The following RUFY3 variants were observed in gnomAD, a reference collection of about 807,000 sequenced individuals.
The protein encoded by RUFY3 is RUN and FYVE domain containing 3.
In RUFY3, 34 loss-of-function variants were observed where a neutral mutation model predicts 84.0. The ratio of observed to expected loss-of-function variants is 0.40; its 90% confidence interval spans 0.31 to 0.54. The LOEUF is 0.54. Ranked by LOEUF, RUFY3 falls within the 20% of genes least tolerant of loss-of-function variation. The pLI is 0.39. For missense variants in RUFY3, 507 were observed against 736.8 expected, an observed-to-expected ratio of 0.69 and a Z score of 3.61; for synonymous variants, 242 against 252.9, an observed-to-expected ratio of 0.96 and a Z score of 0.41.
chr4:70,781,165 G>A (rs1256240333), intron 8 of RUFY3, among the ~76,000 whole-genome samples: 1 of 151,586 alleles, frequency 6.6e-6, no homozygotes, highest in African/African-American at 2.4e-5. Flanking sequence ...GACAAACTAA[G>A]AAGAATTAAG....
intron 12 of RUFY3, chr4:70,792,000 A>G: frequency 1.0e-6 from 1 of 985,000 alleles, no homozygotes. Context: ...TGATAACATA[A>G]TAATGTGGAC....
intron 1 of RUFY3, among the ~76,000 whole-genome samples, chr4:70,752,443 C>T (rs1723284930): frequency 6.6e-6 from 1 of 152,156 alleles, no homozygotes; most frequent in Non-Finnish European, 1.5e-5. Context: ...TGGCAAGACT[C>T]GCCTATACAA....
At chr4:70,705,380 C>T (rs1740171708) in intron 1 of RUFY3, 1 of 1,017,816 alleles carries the variant, frequency 9.8e-7, no homozygotes, top group Non-Finnish European at 1.3e-6. Context: ...GGAGCTCCGC[C>T]TCCCGCGGGG....
chr4:70,792,846 CTTAT>C, intron 12 of RUFY3: 1 of 985,356 alleles, frequency 1.0e-6, no homozygotes, highest in Non-Finnish European at 1.2e-6. Flanking sequence ...TGCTCTTGAA[CTTAT>C]TTTAATTCTT....
At chr4:70,796,658 A>G (rs1731545340) in intron 14 of RUFY3, among the ~76,000 whole-genome samples, 1 of 152,206 alleles carries the variant, frequency 6.6e-6, no homozygotes, top group Non-Finnish European at 1.5e-5. Context: ...GTCCTCTTCA[A>G]TTAGAGCATG....
chr4:70,714,441 C>T (rs904552550), intron 1 of RUFY3, among the ~76,000 whole-genome samples: 2 of 152,132 alleles, frequency 1.3e-5, no homozygotes, highest in African/African-American at 4.8e-5. Context: ...TGTCTATTGC[C>T]TTGTTCTTTC....
At chr4:70,713,185 A>ACCTAATTTTTGTATTTTAGTAGAGAC (rs1741182677) in intron 1 of RUFY3, among the ~76,000 whole-genome samples, 1 of 152,038 alleles carries the variant, frequency 6.6e-6, no homozygotes, top group African/African-American at 2.4e-5. Flanking sequence ...CACCACACCC[A>ACCTAATTTTTGTATTTTAGTAGAGAC]CCTAATTTTT....
At chr4:70,777,435 A>C (rs748102078) in intron 7 of RUFY3, among the ~76,000 whole-genome samples, 1 of 152,214 alleles carries the variant, frequency 6.6e-6, no homozygotes, top group Non-Finnish European at 1.5e-5. Context: ...TAGTTCTCTT[A>C]TGAAAAATAG....
intron 1 of RUFY3, among the ~76,000 whole-genome samples, chr4:70,709,417 C>T (rs1450898014): frequency 6.6e-6 from 1 of 152,206 alleles, no homozygotes; most frequent in Non-Finnish European, 1.5e-5. Context: ...GGACCTCCAG[C>T]ACCCTCTCCC....
In RUFY3 at chr4:70,735,411, G is replaced by C. The variant is rs572537946; in HGVS notation, c.178+12660G>C. 2.6e-5 allele frequency among the ~76,000 whole-genome samples: 4 copies of C among 152,350 alleles called. No homozygotes were observed. In the South Asian group the frequency reaches 8.3e-4, roughly 32 times the overall value. On this transcript the variant is annotated intron_variant, in intron 1 of 17. Coordinates refer to ENST00000381006, the MANE Select transcript of RUFY3 (RefSeq NM_001037442.4). ...TTCCAGAGAACAAATAGAAGGATTT[G>C]ATGAGCTTAGAAATACATGTGTAGA...
At chr4:70,774,984 A>T (rs945515199) in intron 6 of RUFY3, among the ~76,000 whole-genome samples, 184 bp from the exon 7 acceptor site, 1 of 152,042 alleles carries the variant, frequency 6.6e-6, no homozygotes, top group Non-Finnish European at 1.5e-5. Flanking sequence ...TGTCATTTTT[A>T]AACTCCTGAC....
chr4:70,708,179 T>A (rs964963283), intron 1 of RUFY3, among the ~76,000 whole-genome samples: 1 of 152,198 alleles, frequency 6.6e-6, no homozygotes, highest in Non-Finnish European at 1.5e-5. Context: ...TTTGTTTTTT[T>A]ATTTTGTGTT....
chr4:70,766,029 G>A (rs1296067525), intron 4 of RUFY3, among the ~76,000 whole-genome samples: 1 of 152,056 alleles, frequency 6.6e-6, no homozygotes, highest in African/African-American at 2.4e-5. Context: ...CCAAAGTGCT[G>A]GGATTACAGG....
chr4:70,781,955 T>C (rs142552685), intron 8 of RUFY3, among the ~76,000 whole-genome samples: 23 of 152,290 alleles, frequency 1.5e-4, no homozygotes, highest in African/African-American at 5.5e-4. Flanking sequence ...GATATAAATG[T>C]TTCCCTGTAG....
At chr4:70,781,721 G>C (rs750412075) in intron 8 of RUFY3, among the ~76,000 whole-genome samples, 3 of 152,198 alleles carry the variant, frequency 2.0e-5, no homozygotes, top group Non-Finnish European at 4.4e-5. Flanking sequence ...CCTGCCCCCA[G>C]AAAGCATGAG....
chr4:70,750,727 T>C (rs1375722457), intron 1 of RUFY3, among the ~76,000 whole-genome samples: 2 of 152,034 alleles, frequency 1.3e-5, no homozygotes, highest in Non-Finnish European at 2.9e-5. Flanking sequence ...TGGCAACCAC[T>C]AGTCTATTTT....
chr4:70,734,409 T>G (rs956197096), intron 1 of RUFY3: 1 of 985,324 alleles, frequency 1.0e-6, no homozygotes, highest in Non-Finnish European at 1.2e-6. Context: ...GCCTTAGATT[T>G]ACACTGTCAG....
intron 15 of RUFY3, among the ~76,000 whole-genome samples, chr4:70,802,058 T>C (rs1384440285): frequency 6.6e-6 from 1 of 152,238 alleles, no homozygotes; most frequent in Admixed American, 6.5e-5. Flanking sequence ...CTTACAAAAG[T>C]ACCTAATGCA....
Position 70,788,811 on chromosome 4 carries a change from T to G in RUFY3, c.1077T>G (p.Val359=), listed in dbSNP as rs376688056. The change falls in exon 11 of 18, where the codon GTT becomes GTG. Residue 359 remains valine, a synonymous_variant. Transcript: ENST00000381006. Reference sequence around the variant, plus strand: ...TTACTTACCTTTGGGGGCAGGATGTTGAGAAAGAACTGGAGATGCAGATCA... The same window carrying G: ...TTACTTACCTTTGGGGGCAGGATGTGGAGAAAGAACTGGAGATGCAGATCA... ...LKEETQLRLD[V]EKELEMQISM... 1.2e-6 allele frequency: 2 copies of G among 1,613,746 alleles called. No individual in the cohort carries two copies. Among genetic ancestry groups the G allele is most frequent in the African/African-American group, 2.7e-5 (2 of 74,890 alleles).
Sources: gnomAD v4.1 joint callset for allele counts (sites outside exome capture counted in the v4.1 genomes callset) on GRCh38, gnomAD v4.1.1 for gene constraint, MANE v1.5 for transcripts, NCBI Gene and HGNC (gene_info 2026-07-23, HGNC 2026-07-21) for gene names.